FSTL5: variants seen among roughly 807,000 people sequenced by gnomAD.
The protein encoded by FSTL5 is follistatin like 5.
A neutral mutation model predicts 89.1 loss-of-function variants in FSTL5; 62 were observed. The observed-to-expected ratio is 0.70, with a 90% CI of 0.57 to 0.86. The LOEUF is 0.86. Ranked by LOEUF, FSTL5 falls within the 40% of genes least tolerant of loss-of-function variation. The pLI is 0.00. For synonymous variants in FSTL5, 383 were observed against 346.2 expected, an observed-to-expected ratio of 1.11 and a Z score of -1.18; for missense variants, 1,057 against 1,001.6, an observed-to-expected ratio of 1.06 and a Z score of -0.75.
intron 15 of FSTL5, among the ~76,000 whole-genome samples, chr4:161,422,130 G>A (rs1014841046): frequency 6.6e-6 from 1 of 151,666 alleles, no homozygotes; most frequent in Non-Finnish European, 1.5e-5. Flanking sequence ...ATATATATAG[G>A]GTATTGTATA....
chr4:162,094,475 C>T (rs1730670261), intron 2 of FSTL5, among the ~76,000 whole-genome samples: 2 of 151,964 alleles, frequency 1.3e-5, no homozygotes, highest in African/African-American at 4.8e-5. Flanking sequence ...AAATTTCCAT[C>T]AATAGTAGAG....
intron 10 of FSTL5, among the ~76,000 whole-genome samples, chr4:161,532,708 T>C (rs1731458822): frequency 6.6e-6 from 1 of 152,082 alleles, no homozygotes; most frequent in South Asian, 2.1e-4. Flanking sequence ...AAAAGAAATT[T>C]TGGACTTAAA....
intron 4 of FSTL5, among the ~76,000 whole-genome samples, chr4:161,848,012 G>A (rs567881641): frequency 7.7e-6 from 1 of 129,860 alleles, no homozygotes; most frequent in Non-Finnish European, 1.6e-5. Context: ...CTCCAGCCTG[G>A]GTGACAAGAG....
intron 6 of FSTL5, among the ~76,000 whole-genome samples, chr4:161,663,840 T>A (rs1258943913): frequency 1.1e-4 from 16 of 152,170 alleles, no homozygotes; most frequent in Non-Finnish European, 2.2e-4. Flanking sequence ...TGCCTGGGCA[T>A]CCAGGCATTT....
rs571897475 is a variant in FSTL5 at position 162,157,338 on chromosome 4, G to C, written c.-17+6277C>G. Among the ~76,000 whole-genome samples, 125 of 152,242 alleles carry C rather than the reference G, an allele frequency of 8.2e-4. No individual in the cohort carries two copies. In the South Asian group the frequency reaches 0.015, roughly 18 times the overall value. On this transcript the variant is annotated intron_variant, in intron 1 of 15. Transcript: ENST00000306100. Reference sequence around the variant, plus strand: ...AGAAAAAAAATAGAATGGGGATCATGTTAGGGATGAGATCATGAGTTCATG... The same window carrying C: ...AGAAAAAAAATAGAATGGGGATCATCTTAGGGATGAGATCATGAGTTCATG...
chr4:162,053,435 A>T (rs1001071930), intron 2 of FSTL5, among the ~76,000 whole-genome samples: 1 of 151,798 alleles, frequency 6.6e-6, no homozygotes, highest in Admixed American at 6.6e-5. Context: ...TCCTAGACTC[A>T]TGCCTCACAA....
chr4:161,771,687 T>A (rs1236621852), intron 5 of FSTL5, among the ~76,000 whole-genome samples: 9 of 152,164 alleles, frequency 5.9e-5, no homozygotes, highest in African/African-American at 2.2e-4. Flanking sequence ...TAACCTGTTT[T>A]AATCCTTCCA....
intron 1 of FSTL5, among the ~76,000 whole-genome samples, chr4:162,152,708 A>G (rs554741137): frequency 6.6e-6 from 1 of 152,284 alleles, no homozygotes; most frequent in Non-Finnish European, 1.5e-5. Flanking sequence ...CCTTAAAGGA[A>G]CATACATTTT....
At chr4:162,131,864 G>T (rs2111459373) in intron 1 of FSTL5, among the ~76,000 whole-genome samples, 1 of 152,286 alleles carries the variant, frequency 6.6e-6, no homozygotes, top group Non-Finnish European at 1.5e-5. Flanking sequence ...ATTTTGGCAG[G>T]CAAGAAAATT....
chr4:161,922,825 A>G (rs933498159), intron 3 of FSTL5, among the ~76,000 whole-genome samples: 6 of 88,466 alleles, frequency 6.8e-5, no homozygotes, highest in African/African-American at 2.4e-4. Context: ...AAAAATGAAT[A>G]TAGTTGATTT....
rs570464867 is a variant in FSTL5 at position 161,876,661 on chromosome 4, G to T, written c.409+43743C>A. On this transcript the variant is annotated intron_variant, in intron 4 of 15. Transcript: ENST00000306100. ...AAGCTGAAATGGAAGAACTGCTGGA[G>T]CCCAGGGATTCAAGGCTGCAGTAAG... Among the ~76,000 whole-genome samples, 14 of 152,192 alleles carry T rather than the reference G, an allele frequency of 9.2e-5. No individual in the cohort carries two copies. The East Asian group carries it at 2.7e-3, about 29-fold the overall frequency.
chr4:161,443,956 A>C (rs1578978851), intron 15 of FSTL5, among the ~76,000 whole-genome samples: 2 of 151,976 alleles, frequency 1.3e-5, no homozygotes, highest in Non-Finnish European at 2.9e-5. Flanking sequence ...AGCAACAAGA[A>C]AAAAATCTTC....
In FSTL5 at chr4:161,538,088, C is replaced by G. The variant is rs540404615; in HGVS notation, c.1312+78G>C. On this transcript the variant is annotated intron_variant, in intron 10 of 15. Transcript: ENST00000306100. The stretch of plus-strand genomic sequence containing the variant: ...TTGTGCAATTCACAGTTTTCTGGTG[C>G]CTTTACTTTTTAAAAAAAGCTGTAA... 2.9e-5 allele frequency: 40 copies of G among 1,392,590 alleles called. 1 individual carries two copies. In the South Asian group the frequency reaches 4.9e-4, roughly 17 times the overall value. 86.3% of individuals were successfully genotyped at this position (1,392,590 alleles called of 1,614,324 possible). A position where few individuals can be genotyped will look rare whatever the true frequency, so the allele number is the denominator to read the frequency against.
At chr4:161,468,122 A>T (rs41433445) in intron 13 of FSTL5, among the ~76,000 whole-genome samples, 2,367 of 152,148 alleles carry the variant, frequency 0.016, 59 homozygotes, top group African/African-American at 0.054. Flanking sequence ...TCATAATTGA[A>T]AACCCTTTTT....
At chr4:161,808,879 G>T (rs1021614227) in intron 4 of FSTL5, among the ~76,000 whole-genome samples, 1 of 152,072 alleles carries the variant, frequency 6.6e-6, no homozygotes, top group African/African-American at 2.4e-5. Flanking sequence ...CACATAAATG[G>T]CCAGCAAGCT....
intron 6 of FSTL5, among the ~76,000 whole-genome samples, chr4:161,698,445 T>C (rs1329807237): frequency 6.6e-6 from 1 of 152,218 alleles, no homozygotes; most frequent in East Asian, 1.9e-4. Context: ...AGAGAGCTAC[T>C]ACATAGACTT....
At chr4:161,823,544 G>C (rs1730566785) in intron 4 of FSTL5, among the ~76,000 whole-genome samples, 1 of 152,190 alleles carries the variant, frequency 6.6e-6, no homozygotes, top group Admixed American at 6.5e-5. Flanking sequence ...CAGATCTTGG[G>C]AGCAGGGACT....
At chr4:161,722,266 G>A (rs557868441) in intron 6 of FSTL5, among the ~76,000 whole-genome samples, 1 of 152,176 alleles carries the variant, frequency 6.6e-6, no homozygotes, top group Non-Finnish European at 1.5e-5. Flanking sequence ...ACTCTTGTAA[G>A]AAACCTCTTA....
At chr4:161,460,910 C>A (rs1338201639) in intron 13 of FSTL5, among the ~76,000 whole-genome samples, 1 of 151,028 alleles carries the variant, frequency 6.6e-6, no homozygotes, top group Non-Finnish European at 1.5e-5. Flanking sequence ...AGTTTCCCAG[C>A]CTCTTCAGAG....
Sources: allele counts gnomAD v4.1 joint callset (sites outside exome capture counted in the v4.1 genomes callset), GRCh38; gene constraint gnomAD v4.1.1; transcripts MANE v1.5; gene names NCBI Gene and HGNC (gene_info 2026-07-23, HGNC 2026-07-21).